MICAL2: variants seen among roughly 807,000 people sequenced by gnomAD.
The protein encoded by MICAL2 is [F-actin]-monooxygenase MICAL2.
In MICAL2, 77 loss-of-function variants were observed where a neutral mutation model predicts 127.3. That is an observed-to-expected ratio of 0.60 (90% CI 0.50 to 0.73). The LOEUF (loss-of-function observed/expected upper bound fraction) is 0.73, where lower values mean the gene tolerates loss of function less well. Ranked by LOEUF, MICAL2 falls within the 30% of genes least tolerant of loss-of-function variation. The probability of loss-of-function intolerance (pLI) is 0.00; values close to 1 mark genes in which losing one functional copy is unlikely to be tolerated. For synonymous variants in MICAL2, 570 were observed against 551.1 expected (o/e 1.03, Z -0.48); for missense variants, 1,351 against 1,434.4 (o/e 0.94, Z 0.94).
rs533173201 is a variant in MICAL2 at position 12,316,238 on chromosome 11, A to G, written c.5213-3458A>G. ...CCAGTCTGACAATATCTTCTTTTTA[A>G]TTGCAATGCTTTGACTGTATATATT... On this transcript the variant is annotated intron_variant, in intron 29 of 34. Transcript: ENST00000646065. Among the ~76,000 whole-genome samples the G allele has an allele frequency of 2.0e-5, 3 of 152,100 alleles. No homozygotes were observed. In the East Asian group the frequency reaches 5.8e-4, roughly 29 times the overall value.
chr11:12,182,274 A>G (rs1023386502), intron 3 of MICAL2, among the ~76,000 whole-genome samples: 1 of 152,188 alleles, frequency 6.6e-6, no homozygotes, highest in Admixed American at 6.5e-5. Context: ...TTCTGATGCC[A>G]TAGAGCTGGG....
intron 3 of MICAL2, among the ~76,000 whole-genome samples, chr11:12,168,428 C>A (rs1855807873): frequency 6.6e-6 from 1 of 151,030 alleles, no homozygotes; most frequent in African/African-American, 2.4e-5. Context: ...CCCCACACAC[C>A]ATATACACAC....
chr11:12,333,536 G>T (rs1938688073), intron 32 of MICAL2, among the ~76,000 whole-genome samples: 1 of 152,096 alleles, frequency 6.6e-6, no homozygotes, highest in African/African-American at 2.4e-5. Context: ...AACCAGTGTG[G>T]TAAGACAAGG....
At chr11:12,223,079 G>A (rs1042786021) in intron 11 of MICAL2, among the ~76,000 whole-genome samples, 1 of 152,136 alleles carries the variant, frequency 6.6e-6, no homozygotes, top group African/African-American at 2.4e-5. Context: ...TGGTCCTGGG[G>A]TCCATTTCTT....
intron 31 of MICAL2, among the ~76,000 whole-genome samples, chr11:12,325,191 C>A (rs1157421902): frequency 6.6e-6 from 1 of 152,134 alleles, no homozygotes; most frequent in Non-Finnish European, 1.5e-5. Flanking sequence ...TTCACTGCAA[C>A]CTCCACCTCC....
intron 29 of MICAL2, among the ~76,000 whole-genome samples, chr11:12,307,499 G>A (rs149015177): frequency 3.3e-4 from 50 of 152,196 alleles, no homozygotes; most frequent in East Asian, 1.2e-3. Context: ...TGCTAAACTC[G>A]AAGTCACTAA....
chr11:12,242,066 G>T lies in MICAL2; in HGVS notation c.2338-148G>T, dbSNP rs1860044576. The T allele has an allele frequency of 4.8e-6, 3 of 619,232 alleles. No homozygotes were observed. The African/African-American group carries it at 5.6e-5, about 12-fold the overall frequency. 38.4% of individuals were successfully genotyped at this position (619,232 alleles called of 1,614,324 possible). ...AGACAATTTTGATGCAGGTGGTGGA[G>T]AGTCAACACCTGGGGCTAGTTTGGA... On this transcript the variant is annotated intron_variant, in intron 18 of 27. Coordinates refer to ENST00000683283, the MANE Select transcript of MICAL2 (RefSeq NM_001282663.2).
In MICAL2 at chr11:12,203,226, C is replaced by G. The variant is rs72866058; in HGVS notation, c.265-1024C>G. On this transcript the variant is annotated intron_variant, in intron 3 of 27. Transcript: ENST00000683283. The stretch of plus-strand genomic sequence containing the variant: ...TGAATGACGCCGCCATGAACATTCA[C>G]GTACAGGATTTTGTGTGAACATGTT... 2.8e-4 allele frequency among the ~76,000 whole-genome samples: 43 copies of G among 152,280 alleles called. 2 individuals carry two copies. The South Asian group carries it at 8.9e-3, about 32-fold the overall frequency.
chr11:12,334,285 A>T (rs981513303), intron 32 of MICAL2, among the ~76,000 whole-genome samples: 1 of 152,164 alleles, frequency 6.6e-6, no homozygotes, highest in Non-Finnish European at 1.5e-5. Context: ...TGCATACTTG[A>T]AATCATCTCT....
chr11:12,194,696 A>T lies in MICAL2; in HGVS notation c.265-9554A>T, dbSNP rs527237181. 3.3e-5 allele frequency among the ~76,000 whole-genome samples: 5 copies of T among 152,038 alleles called. No homozygotes were observed. In the South Asian group the frequency reaches 1.0e-3, roughly 32 times the overall value. Reference sequence around the variant, plus strand: ...CCTGTGTCTTTTGTTCTCCAGAAGAAGATCGCTGGCCAGATCCAGGCCTTA... The same window carrying T: ...CCTGTGTCTTTTGTTCTCCAGAAGATGATCGCTGGCCAGATCCAGGCCTTA... On this transcript the variant is annotated intron_variant, in intron 3 of 27. Transcript: ENST00000683283.
chr11:12,164,050 C>T (rs1441122419), intron 3 of MICAL2, among the ~76,000 whole-genome samples: 2 of 152,022 alleles, frequency 1.3e-5, no homozygotes, highest in African/African-American at 4.8e-5. Context: ...CACAGGGAGT[C>T]AGCCAGCAGA....
At chr11:12,115,993 T>C (rs1247366690) in intron 1 of MICAL2, among the ~76,000 whole-genome samples, 2 of 150,894 alleles carry the variant, frequency 1.3e-5, no homozygotes, top group Non-Finnish European at 1.5e-5. Context: ...TTTTTTTTTT[T>C]TTTCTGAGAT....
At chr11:12,138,831 GTT>G (rs1430284275) in intron 2 of MICAL2, among the ~76,000 whole-genome samples, 1 of 152,204 alleles carries the variant, frequency 6.6e-6, no homozygotes, top group Non-Finnish European at 1.5e-5. Context: ...CATCCCTGAG[GTT>G]TGATCAGGGC....
intron 2 of MICAL2, among the ~76,000 whole-genome samples, chr11:12,151,667 G>C (rs942594564): frequency 9.2e-5 from 14 of 152,200 alleles, no homozygotes; most frequent in African/African-American, 3.4e-4. Flanking sequence ...CAGTTTCCAA[G>C]GTCTTTGTGC....
At chr11:12,122,112 A>C (rs1442360511) in intron 1 of MICAL2, among the ~76,000 whole-genome samples, 1 of 152,240 alleles carries the variant, frequency 6.6e-6, no homozygotes, top group Admixed American at 6.5e-5. Flanking sequence ...ATGGGTTTTC[A>C]GTCACTGTAA....
In MICAL2 at chr11:12,162,063, C is replaced by A; in HGVS notation, c.-77-16C>A. On this transcript the variant is annotated splice_polypyrimidine_tract_variant and intron_variant, in intron 2 of 27. Transcript: ENST00000683283. The stretch of plus-strand genomic sequence containing the variant: ...CATCGTCCAAAGCTGACCTCTGCCT[C>A]CCCCTACTTTCACAGGTGTGACGTT... 6.4e-7 allele frequency: 1 copy of A among 1,562,568 alleles called. No homozygotes were observed. Among genetic ancestry groups the A allele is most frequent in the Non-Finnish European group, 8.7e-7 (1 of 1,148,868 alleles).
intron 22 of MICAL2, chr11:12,255,379 T>G: frequency 6.1e-5 from 27 of 440,316 alleles, no homozygotes; most frequent in East Asian, 8.3e-5. Flanking sequence ...GTCTCTACGA[T>G]TTTGACTACT....
intron 2 of MICAL2, among the ~76,000 whole-genome samples, chr11:12,147,464 T>A (rs139717775): frequency 4.6e-4 from 70 of 152,324 alleles, no homozygotes; most frequent in African/African-American, 1.6e-3. Flanking sequence ...GCTGAATTAT[T>A]TGAACCTTAA....
At chr11:12,184,667 T>A (rs1857928050) in intron 3 of MICAL2, among the ~76,000 whole-genome samples, 3 of 152,170 alleles carry the variant, frequency 2.0e-5, no homozygotes, top group Non-Finnish European at 1.5e-5. Flanking sequence ...AGAATGAGCT[T>A]AGGAGAATCA....
Sources: gnomAD v4.1 joint callset for allele counts (sites outside exome capture counted in the v4.1 genomes callset) on GRCh38, gnomAD v4.1.1 for gene constraint, MANE v1.5 for transcripts, NCBI Gene and HGNC (gene_info 2026-07-23, HGNC 2026-07-21) for gene names.